DSCAML1: variants seen among roughly 807,000 people sequenced by gnomAD.
The protein encoded by DSCAML1 is cell adhesion molecule DSCAML1.
Under a neutral mutation model 200.5 loss-of-function variants are expected in DSCAML1, and 38 were observed. That is an observed-to-expected ratio of 0.19 (90% CI 0.15 to 0.25). DSCAML1 has a LOEUF of 0.25. Among genes scored for constraint, DSCAML1 ranks in the 10% least tolerant of loss-of-function variants. DSCAML1 has a pLI of 1.00. For missense variants in DSCAML1, 2,223 were observed against 2,858.8 expected (o/e 0.78, Z 5.07); for synonymous variants, 1,215 against 1,165.0 (o/e 1.04, Z -0.87).
chr11:117,556,060 T>C (rs897942397), intron 3 of DSCAML1, among the ~76,000 whole-genome samples: 1 of 152,164 alleles, frequency 6.6e-6, no homozygotes, highest in Admixed American at 6.6e-5. Context: ...TTGATGTCAG[T>C]TTCCAATTCC....
chr11:117,791,872 T>C (rs2055473060), intron 1 of DSCAML1, among the ~76,000 whole-genome samples: 1 of 152,248 alleles, frequency 6.6e-6, no homozygotes, highest in Non-Finnish European at 1.5e-5. Context: ...CTAATGTTTA[T>C]TGAGCACTAA....
intron 31 of DSCAML1, among the ~76,000 whole-genome samples, chr11:117,431,322 G>C (rs11606588): frequency 0.26 from 40,131 of 152,148 alleles, 5,888 homozygotes; most frequent in Non-Finnish European, 0.34. Context: ...TTTTGGGAAA[G>C]CAAAATTAAC....
intron 1 of DSCAML1, among the ~76,000 whole-genome samples, chr11:117,803,254 C>T (rs1323648998): frequency 6.6e-6 from 1 of 152,000 alleles, no homozygotes; most frequent in Non-Finnish European, 1.5e-5. Context: ...GCCTCAGGTG[C>T]CTGCACCAGG....
intron 3 of DSCAML1, among the ~76,000 whole-genome samples, chr11:117,556,523 TAA>T: frequency 5.8e-4 from 2 of 3,476 alleles, no homozygotes; most frequent in African/African-American, 2.2e-3. Context: ...CTTTTCCAGT[TAA>T]TTTCTCTCAC....
intron 3 of DSCAML1, among the ~76,000 whole-genome samples, chr11:117,701,351 C>T (rs779211496): frequency 6.6e-6 from 1 of 152,150 alleles, no homozygotes; most frequent in Non-Finnish European, 1.5e-5. Flanking sequence ...CTTTGCTGAA[C>T]GATGATACCA....
chr11:117,521,356 G>A lies in DSCAML1; in HGVS notation c.987C>T (p.Gly329=). Residue 329 remains glycine, a synonymous_variant, in exon 6 of 33, where the codon GGC becomes GGT. Coordinates refer to ENST00000651296, the MANE Select transcript of DSCAML1 (RefSeq NM_020693.4). Reference sequence around the variant, plus strand: ...GGGCACAGGAGAGGATGACCGTGCTGCCAATGCCGGTCTTCAGCTTCTTTG... The same window carrying A: ...GGGCACAGGAGAGGATGACCGTGCTACCAATGCCGGTCTTCAGCTTCTTTG... ...LTPKKLKTGI[G]STVILSCALT... 6.2e-7 allele frequency: 1 copy of A among 1,614,138 alleles called. No homozygotes were observed. The highest frequency in any genetic ancestry group is 8.5e-7 in the Non-Finnish European group (1 of 1,180,016).
At chr11:117,794,870 A>C (rs1359169766) in intron 1 of DSCAML1, among the ~76,000 whole-genome samples, 1 of 152,102 alleles carries the variant, frequency 6.6e-6, no homozygotes, top group Non-Finnish European at 1.5e-5. Context: ...CTGGCGCCCA[A>C]CAGACAGACG....
chr11:117,786,769 C>T (rs982424299), intron 1 of DSCAML1, among the ~76,000 whole-genome samples: 1 of 152,176 alleles, frequency 6.6e-6, no homozygotes, highest in African/African-American at 2.4e-5. Flanking sequence ...GTTCTCTTCC[C>T]TTACAATATT....
chr11:117,815,258 A>T (rs1319342904), intron 1 of DSCAML1, among the ~76,000 whole-genome samples: 1 of 152,192 alleles, frequency 6.6e-6, no homozygotes, highest in Non-Finnish European at 1.5e-5. Context: ...TCCCCTGAAA[A>T]GTCACAGCTC....
chr11:117,751,413 G>C (rs1208475439), intron 3 of DSCAML1, among the ~76,000 whole-genome samples: 1 of 136,862 alleles, frequency 7.3e-6, no homozygotes. Context: ...TTTTTTCTCT[G>C]TTGCCATGGT....
At chr11:117,439,676 G>C (rs1359915090) in intron 22 of DSCAML1, 143 bp downstream of exon 22, 1 of 864,074 alleles carries the variant, frequency 1.2e-6, no homozygotes, top group African/African-American at 1.7e-5. Context: ...TGAGAGAGCA[G>C]TAGCAGCACA....
At chr11:117,630,996 T>A (rs1438597731) in intron 3 of DSCAML1, among the ~76,000 whole-genome samples, 5 of 152,234 alleles carry the variant, frequency 3.3e-5, no homozygotes, top group African/African-American at 1.2e-4. Context: ...GTGCTCAGAA[T>A]GTTGCCTGGC....
chr11:117,479,573 G>A (rs889811924), intron 14 of DSCAML1, among the ~76,000 whole-genome samples: 7 of 152,116 alleles, frequency 4.6e-5, no homozygotes, highest in African/African-American at 1.4e-4. Flanking sequence ...TGCCCATGGC[G>A]CCCCACAGTG....
chr11:117,736,679 G>A (rs2062036456), intron 3 of DSCAML1, among the ~76,000 whole-genome samples: 1 of 152,284 alleles, frequency 6.6e-6, no homozygotes, highest in East Asian at 1.9e-4. Context: ...GCTCCTCCCT[G>A]ATCCCCTTTC....
At chr11:117,790,331 G>A (rs910908060) in intron 1 of DSCAML1, among the ~76,000 whole-genome samples, 2 of 152,224 alleles carry the variant, frequency 1.3e-5, no homozygotes, top group African/African-American at 4.8e-5. Context: ...GGGAGAAGAG[G>A]TAGGCTTCCT....
At position 117,776,948 on chromosome 11, in the gene DSCAML1, A is replaced by G; in HGVS notation, c.365-11T>C. On this transcript the variant is annotated splice_polypyrimidine_tract_variant and intron_variant, in intron 2 of 32. Transcript: ENST00000651296. ...AGGGTTCCCTGAAAACTGCAGAGAG[A>G]TTGGCAGTGGGGAAGAGAAGAGTGT... 1 of 1,613,378 alleles carries G rather than the reference A, an allele frequency of 6.2e-7. No individual in the cohort carries two copies. The highest frequency in any genetic ancestry group is 1.3e-5 in the African/African-American group (1 of 75,014).
At position 117,469,586 on chromosome 11, in the gene DSCAML1, TACA is replaced by T. The variant is rs1359628344; in HGVS notation, c.3024+321_3024+323del. ...AAATCAAACCTACTTCCAACCTTAT[TACA>T]ACATGTGGGGTTTGGACGACGGGCC... On this transcript the variant is annotated intron_variant, in intron 16 of 32. Transcript: ENST00000651296. The surrounding 1 kb of genome is among the most constrained non-coding windows in gnomAD (Gnocchi z 4.1). Among the ~76,000 whole-genome samples, 3 of 152,112 alleles carry T rather than the reference TACA, an allele frequency of 2.0e-5. No individual in the cohort carries two copies. The highest frequency in any genetic ancestry group is 4.8e-5 in the African/African-American group (2 of 41,412).
chr11:117,789,176 C>A (rs1159969423), intron 1 of DSCAML1, among the ~76,000 whole-genome samples: 2 of 152,184 alleles, frequency 1.3e-5, no homozygotes, highest in East Asian at 3.9e-4. Context: ...GACCAGCAAC[C>A]AGAAACCTGC....
chr11:117,462,172 C>T (rs529233928), intron 17 of DSCAML1, among the ~76,000 whole-genome samples: 6 of 152,200 alleles, frequency 3.9e-5, no homozygotes, highest in South Asian at 2.1e-4. Flanking sequence ...AGTTTCTACC[C>T]GGACCTTGGG....
Sources: allele counts gnomAD v4.1 joint callset (sites outside exome capture counted in the v4.1 genomes callset), GRCh38; gene constraint gnomAD v4.1.1; non-coding constraint Gnocchi (gnomAD v3.1); transcripts MANE v1.5; gene names NCBI Gene and HGNC (gene_info 2026-07-23, HGNC 2026-07-21).